Variants in PTPRD observed in about 807,000 individuals in gnomAD.
PTPRD encodes protein tyrosine phosphatase receptor type D.
PTPRD carries 34 observed loss-of-function variants against 214.5 expected under a neutral mutation model. That is an observed-to-expected ratio of 0.16 (90% CI 0.12 to 0.21). PTPRD has a LOEUF of 0.21. PTPRD is among the 10% of genes least tolerant of loss of function. The probability of loss-of-function intolerance (pLI) is 1.00; values close to 1 mark genes in which losing one functional copy is unlikely to be tolerated. For missense variants in PTPRD, 2,545 were observed against 2,398.7 expected (o/e 1.06, Z -1.27); for synonymous variants, 1,128 against 845.7 (o/e 1.33, Z -5.79).
intron 11 of PTPRD, among the ~76,000 whole-genome samples, chr9:8,865,104 A>G (rs1167938795): frequency 6.6e-6 from 1 of 152,096 alleles, no homozygotes; most frequent in Non-Finnish European, 1.5e-5. Context: ...AATCTGGTTG[A>G]TGTAAAGTCT....
At chr9:9,497,125 T>C (rs939856629) in intron 8 of PTPRD, among the ~76,000 whole-genome samples, 3 of 152,232 alleles carry the variant, frequency 2.0e-5, no homozygotes, top group Admixed American at 2.0e-4. Flanking sequence ...TCAATGTGTA[T>C]GGAGTTTTAG....
intron 8 of PTPRD, among the ~76,000 whole-genome samples, chr9:9,430,811 C>T (rs959420659): frequency 6.6e-6 from 1 of 152,124 alleles, no homozygotes; most frequent in Non-Finnish European, 1.5e-5. Flanking sequence ...GAAAGGAATC[C>T]CTGTTTAATA....
intron 2 of PTPRD, among the ~76,000 whole-genome samples, chr9:10,578,955 T>C (rs111580101): frequency 0.22 from 33,800 of 151,952 alleles, 5,006 homozygotes; most frequent in African/African-American, 0.43. Flanking sequence ...GTGCAGAATG[T>C]GCAGGTTTGT....
chr9:9,246,362 T>C (rs73388894), intron 9 of PTPRD, among the ~76,000 whole-genome samples: 9,329 of 152,146 alleles, frequency 0.061, 316 homozygotes, highest in South Asian at 0.081. Context: ...CCACTTGATA[T>C]GGACTTCAGA....
chr9:9,926,395 A>G (rs1333425756), intron 5 of PTPRD, among the ~76,000 whole-genome samples: 1 of 152,158 alleles, frequency 6.6e-6, no homozygotes, highest in Non-Finnish European at 1.5e-5. Flanking sequence ...ATTGTGTTGA[A>G]GGGGATAAAG....
In PTPRD at chr9:8,733,957, G is replaced by A. The variant is rs2098689142; in HGVS notation, c.-103-11C>T. The A allele has an allele frequency of 1.9e-6, 2 of 1,057,192 alleles. No individual in the cohort carries two copies. Among genetic ancestry groups the A allele is most frequent in the Non-Finnish European group, 1.4e-6 (1 of 716,238 alleles). 65.5% of individuals were successfully genotyped at this position (1,057,192 alleles called of 1,614,324 possible). A position where few individuals can be genotyped will look rare whatever the true frequency, so the allele number is the denominator to read the frequency against. ...GAACACTTTCAGAGCCTGAAAGCGG[G>A]GAGGAAGAGAAAAGAAAAGGAAGAA... On this transcript the variant is annotated splice_polypyrimidine_tract_variant and intron_variant, in intron 11 of 45. Transcript: ENST00000381196.
At chr9:10,232,173 C>A (rs1382778830) in intron 3 of PTPRD, among the ~76,000 whole-genome samples, 2 of 151,844 alleles carry the variant, frequency 1.3e-5, no homozygotes, top group African/African-American at 2.4e-5. Flanking sequence ...CAGTGCCATG[C>A]CCCTTGAACT....
intron 8 of PTPRD, among the ~76,000 whole-genome samples, chr9:9,440,673 G>C (rs908774722): frequency 1.3e-5 from 2 of 152,086 alleles, no homozygotes; most frequent in African/African-American, 2.4e-5. Context: ...CCAAAATTCT[G>C]TCTTCAAGAA....
At chr9:9,960,594 C>A (rs1006429383) in intron 4 of PTPRD, among the ~76,000 whole-genome samples, 1 of 152,064 alleles carries the variant, frequency 6.6e-6, no homozygotes, top group Non-Finnish European at 1.5e-5. Context: ...GAAAATGGTA[C>A]TTGACCTCTG....
intron 25 of PTPRD, among the ~76,000 whole-genome samples, chr9:8,498,551 G>A (rs972149042): frequency 1.1e-4 from 17 of 152,294 alleles, no homozygotes; most frequent in African/African-American, 4.1e-4. Flanking sequence ...GTAGAACTGG[G>A]CAACCTGGTG....
At chr9:8,892,903 G>A (rs2098554211) in intron 11 of PTPRD, among the ~76,000 whole-genome samples, 2 of 151,910 alleles carry the variant, frequency 1.3e-5, no homozygotes, top group African/African-American at 2.4e-5. Context: ...TAGGCATGAA[G>A]TCTATGGAAG....
chr9:8,752,682 C>T (rs2093642006), intron 11 of PTPRD, among the ~76,000 whole-genome samples: 1 of 152,090 alleles, frequency 6.6e-6, no homozygotes, highest in South Asian at 2.1e-4. Context: ...GGATGAAAGA[C>T]CATGGGGAGC....
At chr9:9,693,248 TA>T (rs1230099395) in intron 7 of PTPRD, among the ~76,000 whole-genome samples, 1 of 152,126 alleles carries the variant, frequency 6.6e-6, no homozygotes, top group East Asian at 1.9e-4. Context: ...TCTTGAATTG[TA>T]ATCCCCTGTG....
At chr9:9,208,725 A>G (rs1433365774) in intron 9 of PTPRD, among the ~76,000 whole-genome samples, 3 of 152,288 alleles carry the variant, frequency 2.0e-5, no homozygotes, top group Admixed American at 6.5e-5. Flanking sequence ...TAGTTTGTAG[A>G]CACTAATGAA....
intron 22 of PTPRD, among the ~76,000 whole-genome samples, chr9:8,505,905 A>T (rs1032818537): frequency 6.6e-6 from 1 of 152,178 alleles, no homozygotes; most frequent in Non-Finnish European, 1.5e-5. Context: ...GAAGGTTTAA[A>T]CAATTCAGTG....
chr9:9,901,106 G>A (rs2076293040), intron 5 of PTPRD, among the ~76,000 whole-genome samples: 1 of 152,126 alleles, frequency 6.6e-6, no homozygotes, highest in African/African-American at 2.4e-5. Context: ...AGTCATAGTG[G>A]AGAGCAAAGC....
chr9:9,583,039 G>A (rs960976459), intron 7 of PTPRD, among the ~76,000 whole-genome samples: 1 of 152,032 alleles, frequency 6.6e-6, no homozygotes, highest in Non-Finnish European at 1.5e-5. Context: ...CCAATAAATA[G>A]TATAGGCTGG....
chr9:10,380,767 T>A (rs1406295370), intron 2 of PTPRD, among the ~76,000 whole-genome samples: 1 of 114,166 alleles, frequency 8.8e-6, no homozygotes, highest in African/African-American at 3.5e-5. Flanking sequence ...TCATCCCAGC[T>A]CAAATAAATA....
At chr9:9,788,641 G>GTATA (rs1166071400) in intron 5 of PTPRD, among the ~76,000 whole-genome samples, 3 of 151,542 alleles carry the variant, frequency 2.0e-5, no homozygotes, top group African/African-American at 7.3e-5. Context: ...CGTAGACACA[G>GTATA]TATATAATAT....
Sources: allele counts gnomAD v4.1 joint callset (sites outside exome capture counted in the v4.1 genomes callset), GRCh38; gene constraint gnomAD v4.1.1; transcripts MANE v1.5; gene names NCBI Gene and HGNC (gene_info 2026-07-23, HGNC 2026-07-21).